The following DENND3 variants were observed in gnomAD, a reference collection of about 807,000 sequenced individuals.
DENND3 encodes DENN domain-containing protein 3.
A neutral mutation model predicts 135.1 loss-of-function variants in DENND3; 88 were observed. That is an observed-to-expected ratio of 0.65 (90% CI 0.55 to 0.78). DENND3 has a LOEUF of 0.78. DENND3 is among the 30% of genes least tolerant of loss of function. DENND3 has a pLI of 0.00. For synonymous variants in DENND3, 693 were observed against 712.3 expected (o/e 0.97, Z 0.43); for missense variants, 1,392 against 1,688.4 (o/e 0.82, Z 3.08).
In DENND3 at chr8:141,167,294, C is replaced by G. The variant is rs1820932728; in HGVS notation, c.1754-710C>G. ...CTTCTGAACATCTGTCAGTCTGCCGCTGGCAGGTGCCCTGTGCCCACTCAC... is the reference window on the plus strand; with the variant it reads ...CTTCTGAACATCTGTCAGTCTGCCGGTGGCAGGTGCCCTGTGCCCACTCAC... On this transcript the variant is annotated intron_variant, in intron 12 of 22. Transcript: ENST00000519811. This position sits in a 1 kb window ranked among gnomAD's most constrained non-coding sequence, Gnocchi z 4.1. Among the ~76,000 whole-genome samples, 1 of 152,164 alleles carries G rather than the reference C, an allele frequency of 6.6e-6. No individual in the cohort carries two copies. The highest frequency in any genetic ancestry group is 1.5e-5 in the Non-Finnish European group (1 of 68,028).
intron 9 of DENND3, among the ~76,000 whole-genome samples, chr8:141,161,192 C>T (rs970800440): frequency 1.3e-5 from 2 of 152,192 alleles, no homozygotes; most frequent in African/African-American, 2.4e-5. Flanking sequence ...GTGCTGGCTC[C>T]GGGCTCTGGC....
chr8:141,179,615 G>C (rs908241675), intron 16 of DENND3, among the ~76,000 whole-genome samples: 1 of 152,220 alleles, frequency 6.6e-6, no homozygotes, highest in South Asian at 2.1e-4. Context: ...AATAATACCC[G>C]AAGATGTCAT....
chr8:141,133,470 T>G (rs897010762), intron 1 of DENND3, among the ~76,000 whole-genome samples: 1 of 152,112 alleles, frequency 6.6e-6, no homozygotes, highest in African/African-American at 2.4e-5. Context: ...GACAGGGACG[T>G]CCCTCGTTGG....
chr8:141,189,293 G>A, intron 19 of DENND3, 147 bp downstream of exon 19: 1 of 1,119,090 alleles, frequency 8.9e-7, no homozygotes, highest in Non-Finnish European at 1.3e-6. Context: ...AAGCTGGGTG[G>A]TGTCCTCGGT....
Position 141,155,883 on chromosome 8 carries a change from A to G in DENND3, c.1109A>G (p.His370Arg). Reference sequence around the variant, plus strand: ...GGTTTAGTTCTGATAAATATTGATCATGGGAGCATCACCTACTCCAAGTCC... The same window carrying G: ...GGTTTAGTTCTGATAAATATTGATCGTGGGAGCATCACCTACTCCAAGTCC... The part of the protein sequence containing the change: ...ADGLVLINID[H>R]GSITYSKSTD... Residue 370 changes from histidine to arginine, a missense_variant, in exon 8 of 23, where the codon CAT becomes CGT. Coordinates refer to ENST00000519811, the MANE Select transcript of DENND3 (RefSeq NM_001352890.3). The G allele has an allele frequency of 6.2e-7, 1 of 1,612,368 alleles. No homozygotes were observed. The highest frequency in any genetic ancestry group is 1.1e-5 in the South Asian group (1 of 90,746).
At position 141,184,094 on chromosome 8, in the gene DENND3, C is replaced by T. The variant is rs984292041; in HGVS notation, c.2945-1045C>T. ...TTGCCATCTTCATGGCCGGACACGG[C>T]GCCTACAGCCTCTTCCCCAGACCCT... On this transcript the variant is annotated intron_variant, in intron 17 of 22. Transcript: ENST00000519811. Among the ~76,000 whole-genome samples, 23 of 152,282 alleles carry T rather than the reference C, an allele frequency of 1.5e-4. No homozygotes were observed. The Middle Eastern group carries it at 0.014, about 90-fold the overall frequency.
chr8:141,192,435 C>T lies in DENND3; in HGVS notation c.3484C>T (p.Gln1162Ter), dbSNP rs764959078. Residue 1162 changes from glutamine (Q) to a stop codon, truncating the protein, a stop_gained, in exon 21 of 23, where the codon CAG (glutamine) becomes TAG (stop). Transcript: ENST00000519811. LOFTEE classifies it high-confidence loss of function. ...CACCAGTACCTCCTTCCTGGCCTTC[C>T]AGCTCCTTCCTGAGGTATCCCAGCA... is the stretch of plus-strand genomic sequence containing the variant. ...KDTSTSFLAF[Q>*]LLPEEEQLWA... 1 of 1,614,224 alleles carries T rather than the reference C, an allele frequency of 6.2e-7. No individual in the cohort carries two copies. Among genetic ancestry groups the T allele is most frequent in the Admixed American group, 1.7e-5 (1 of 60,028 alleles).
chr8:141,145,803 TTATATATATATATATATA>T (rs60546894), intron 5 of DENND3, among the ~76,000 whole-genome samples: 2,582 of 87,086 alleles, frequency 0.03, 111 homozygotes, highest in African/African-American at 0.065. Flanking sequence ...ATATTGAATA[TTATATATATATATATATA>T]TATATATATA....
chr8:141,141,790 C>T lies in DENND3; in HGVS notation c.623+466C>T, dbSNP rs923717816. The stretch of plus-strand genomic sequence containing the variant: ...GGGTGTGGTGGCTCACACCTGTAAT[C>T]CCAGCATATTGGGAGACTAAGATGG... On this transcript the variant is annotated intron_variant, in intron 4 of 22. Transcript: ENST00000519811. This position sits in a 1 kb window ranked among gnomAD's most constrained non-coding sequence, Gnocchi z 5.3. 1.0e-5 allele frequency: 2 copies of T among 200,282 alleles called. No individual in the cohort carries two copies. The highest frequency in any genetic ancestry group is 4.7e-5 in the African/African-American group (2 of 42,168). The allele number at this position is 200,282 out of a possible 1,614,324, so 12.4% of individuals were successfully genotyped here. A position where few individuals can be genotyped will look rare whatever the true frequency, so the allele number is the denominator to read the frequency against.
At chr8:141,183,297 G>A (rs1823418164) in intron 17 of DENND3, among the ~76,000 whole-genome samples, 1 of 152,118 alleles carries the variant, frequency 6.6e-6, no homozygotes, top group African/African-American at 2.4e-5. Flanking sequence ...TGTCACCCAG[G>A]TGCAGTGGCG....
rs1285158633 is a variant in DENND3 at position 141,190,374 on chromosome 8, T to C, written c.3336T>C (p.Gly1112=). Residue 1112 remains glycine, a synonymous_variant, in exon 20 of 23, where the codon GGT becomes GGC. Coordinates refer to ENST00000519811, the MANE Select transcript of DENND3 (RefSeq NM_001352890.3). ...CCAGCCGCTTCCAGCTGCCGCGAGG[T>C]GGCCTGACGTCCATCAGACTGCACG... The part of the protein sequence containing the change: ...QVTSRFQLPR[G]GLTSIRLHGG... 1 of 1,612,858 alleles carries C rather than the reference T, an allele frequency of 6.2e-7. No individual in the cohort carries two copies.
intron 17 of DENND3, among the ~76,000 whole-genome samples, chr8:141,183,706 C>T (rs1569556816): frequency 6.7e-6 from 1 of 149,042 alleles, no homozygotes; most frequent in Non-Finnish European, 1.5e-5. Context: ...CCACTGAAGA[C>T]GTCCGGTGAC....
rs149865901 is a variant in DENND3, at chr8:141,130,160, C to T, written c.102+1351C>T. Among the ~76,000 whole-genome samples the T allele has an allele frequency of 2.0e-3, 312 of 152,292 alleles. 1 individual carries two copies. The highest frequency in any genetic ancestry group is 7.1e-3 in the African/African-American group (293 of 41,560). On this transcript the variant is annotated intron_variant, in intron 1 of 22. Transcript: ENST00000519811. The surrounding 1 kb of genome is among the most constrained non-coding windows in gnomAD (Gnocchi z 4.2). ...TGGGTGTTAGTTGCTTGGTGTGACA[C>T]ATGTCTTTTGAGGGCAGGGCGAATC...
intron 8 of DENND3, among the ~76,000 whole-genome samples, chr8:141,159,896 G>C (rs569459734): frequency 6.6e-6 from 1 of 152,192 alleles, no homozygotes; most frequent in South Asian, 2.1e-4. Flanking sequence ...CACCCGGGAC[G>C]TTTGTTGCAG....
chr8:141,169,501 G>C (rs1378256881), intron 13 of DENND3, among the ~76,000 whole-genome samples: 1 of 152,234 alleles, frequency 6.6e-6, no homozygotes, highest in African/African-American at 2.4e-5. Context: ...GCAAAAGCGG[G>C]GACGTGGGAC....
chr8:141,176,863 C>T lies in DENND3; in HGVS notation c.2706+102C>T, dbSNP rs113106138. The T allele has an allele frequency of 2.7e-5, 36 of 1,355,638 alleles. No homozygotes were observed. In the African/African-American group the frequency reaches 3.5e-4, roughly 13 times the overall value. The allele number at this position is 1,355,638 out of a possible 1,614,324, so 84.0% of individuals were successfully genotyped here. Reference sequence around the variant, plus strand: ...GTCCTCAGCTGTGAGTGCTCGGGCTCGGGTCTGAGTGTCTTAAGCAGAGTA... The same window carrying T: ...GTCCTCAGCTGTGAGTGCTCGGGCTTGGGTCTGAGTGTCTTAAGCAGAGTA... On this transcript the variant is annotated intron_variant, in intron 15 of 22. Transcript: ENST00000519811.
Position 141,137,891 on chromosome 8 carries a change from G to T in DENND3, c.386-131G>T. ...GAGGCGTGATCGGAAGAATGAACCC[G>T]CCTTGGACATGAAGGCACCACCACT... On this transcript the variant is annotated intron_variant, in intron 2 of 22. Transcript: ENST00000519811. The surrounding 1 kb of genome is among the most constrained non-coding windows in gnomAD (Gnocchi z 4.1). The T allele has an allele frequency of 1.2e-6, 1 of 840,228 alleles. No homozygotes were observed. Among genetic ancestry groups the T allele is most frequent in the South Asian group, 1.8e-5 (1 of 54,684 alleles). 52.0% of individuals were successfully genotyped at this position (840,228 alleles called of 1,614,324 possible).
At position 141,156,043 on chromosome 8, in the gene DENND3, C is replaced by A. The variant is rs576356199; in HGVS notation, c.1196+73C>A. On this transcript the variant is annotated intron_variant, in intron 8 of 22. Transcript: ENST00000519811. ...ATTCTGTATTTGCCACTTCGAGTAT[C>A]TTTTCCAATTTTATATAACTGATAG... The A allele has an allele frequency of 1.1e-3, 1,642 of 1,486,808 alleles. 1 individual carries two copies. The highest frequency in any genetic ancestry group is 1.4e-3 in the Non-Finnish European group (1,582 of 1,112,802). The allele number at this position is 1,486,808 out of a possible 1,614,324, so 92.1% of individuals were successfully genotyped here. A position where few individuals can be genotyped will look rare whatever the true frequency, so the allele number is the denominator to read the frequency against.
chr8:141,133,475 C>T (rs1005148660), intron 1 of DENND3, among the ~76,000 whole-genome samples: 6 of 152,152 alleles, frequency 3.9e-5, no homozygotes, highest in Admixed American at 6.5e-5. Context: ...GGACGTCCCT[C>T]GTTGGGAGAG....
Sources: gnomAD v4.1 joint callset for allele counts (sites outside exome capture counted in the v4.1 genomes callset) on GRCh38, gnomAD v4.1.1 for gene constraint, Gnocchi (gnomAD v3.1) non-coding constraint, MANE v1.5 for transcripts, NCBI Gene and HGNC (gene_info 2026-07-23, HGNC 2026-07-21) for gene names.